GABBR2: variants seen among roughly 807,000 people sequenced by gnomAD.
The protein encoded by GABBR2 is G-protein coupled receptor 51.
A neutral mutation model predicts 105.6 loss-of-function variants in GABBR2; 23 were observed. The observed-to-expected ratio is 0.22, with a 90% confidence interval of 0.16 to 0.31. GABBR2 has a LOEUF of 0.31. Among genes scored for constraint, GABBR2 ranks in the 10% least tolerant of loss-of-function variants. The pLI, the probability that GABBR2 is intolerant of heterozygous loss-of-function variation, is 1.00. For missense variants in GABBR2, 734 were observed against 1,245.5 expected (o/e 0.59, Z 6.18); for synonymous variants, 478 against 499.7 (o/e 0.96, Z 0.58).
rs373757998 is a variant in GABBR2 at position 98,485,891 on chromosome 9, C to A, written c.733-4894G>T. Among the ~76,000 whole-genome samples, 184 of 152,272 alleles carry A rather than the reference C, an allele frequency of 1.2e-3. 1 individual carries two copies. The highest frequency in any genetic ancestry group is 1.9e-3 in the Non-Finnish European group (132 of 68,020). ...GGGAGCTTCCTGGCCATGGGAGCCA[C>A]TCCATGCCCCACACCCCACAGAGAG... On this transcript the variant is annotated intron_variant, in intron 4 of 18. Transcript: ENST00000259455.
At position 98,578,903 on chromosome 9, in the gene GABBR2, G is replaced by T. The variant is rs114209709; in HGVS notation, c.322-831C>A. Among the ~76,000 whole-genome samples the T allele has an allele frequency of 3.9e-3, 592 of 152,316 alleles. 3 individuals are homozygous for T. The highest frequency in any genetic ancestry group is 0.013 in the African/African-American group (557 of 41,582). ...TCCCACTCATATGAGGTTATCTACA[G>T]TAGTTAAATTCATAGAGAAAGAAAG... On this transcript the variant is annotated intron_variant, in intron 1 of 18. Transcript: ENST00000259455.
chr9:98,683,907 C>T (rs1830583738), intron 1 of GABBR2, among the ~76,000 whole-genome samples: 1 of 149,846 alleles, frequency 6.7e-6, no homozygotes, highest in African/African-American at 2.5e-5. Flanking sequence ...ACTCGGGAGG[C>T]TGAGGCAGGA....
chr9:98,525,995 G>C (rs1184866934), intron 3 of GABBR2, among the ~76,000 whole-genome samples: 1 of 152,168 alleles, frequency 6.6e-6, no homozygotes, highest in Non-Finnish European at 1.5e-5. Flanking sequence ...AACAGCTGGG[G>C]GCCGGAGAAA....
chr9:98,612,365 C>T (rs986836448), intron 1 of GABBR2, among the ~76,000 whole-genome samples: 2 of 152,110 alleles, frequency 1.3e-5, no homozygotes, highest in Non-Finnish European at 2.9e-5. Flanking sequence ...GAAACGTGGC[C>T]GGTCAGCCAG....
At chr9:98,658,654 C>T (rs1453440867) in intron 1 of GABBR2, among the ~76,000 whole-genome samples, 1 of 152,188 alleles carries the variant, frequency 6.6e-6, no homozygotes, top group Non-Finnish European at 1.5e-5. Context: ...TGCCAGTATC[C>T]TTCAGGAGTA....
At chr9:98,375,029 G>T (rs951831264) in intron 11 of GABBR2, 2 of 152,146 alleles carry the variant, frequency 1.3e-5, no homozygotes, top group Non-Finnish European at 2.9e-5. Context: ...TCCACAGTGA[G>T]TCCCCATATT....
chr9:98,454,823 C>T lies in GABBR2; in HGVS notation c.1000-606G>A, dbSNP rs950366428. On this transcript the variant is annotated intron_variant, in intron 6 of 18. Transcript: ENST00000259455. This position sits in a 1 kb window ranked among gnomAD's most constrained non-coding sequence, Gnocchi z 4.6. The stretch of plus-strand genomic sequence containing the variant: ...CCCAGCCAGGCTCAGTCCATACCTC[C>T]TTCCCCTTCTAGCATCAGTAGCTCC... Among the ~76,000 whole-genome samples the T allele has an allele frequency of 9.2e-5, 14 of 152,094 alleles. No homozygotes were observed. The highest frequency in any genetic ancestry group is 7.9e-4 in the Admixed American group (12 of 15,282).
intron 1 of GABBR2, among the ~76,000 whole-genome samples, chr9:98,639,523 A>G (rs1230175809): frequency 6.6e-6 from 1 of 152,004 alleles, no homozygotes; most frequent in Non-Finnish European, 1.5e-5. Flanking sequence ...TTTTCTTACA[A>G]ATACAACTTA....
At chr9:98,418,840 C>T (rs1337791197) in intron 7 of GABBR2, among the ~76,000 whole-genome samples, 1 of 152,224 alleles carries the variant, frequency 6.6e-6, no homozygotes, top group African/African-American at 2.4e-5. Flanking sequence ...GCTACAGCGC[C>T]ATGCATCACC....
chr9:98,385,614 C>T (rs1410521372), intron 11 of GABBR2, 26 bp downstream of exon 11: 8 of 1,606,196 alleles, frequency 5.0e-6, no homozygotes, highest in Non-Finnish European at 6.0e-6. Flanking sequence ...CTATCATATA[C>T]CACTGGCTTA....
chr9:98,580,640 T>C (rs1367238763), intron 1 of GABBR2, among the ~76,000 whole-genome samples: 1 of 151,976 alleles, frequency 6.6e-6, no homozygotes, highest in African/African-American at 2.4e-5. Context: ...ATACAAAAAT[T>C]AGCCAGGCAT....
chr9:98,367,039 A>C (rs1831689559), intron 12 of GABBR2, among the ~76,000 whole-genome samples: 1 of 152,248 alleles, frequency 6.6e-6, no homozygotes, highest in Admixed American at 6.5e-5. Context: ...AACATGCTGT[A>C]AAAATATGAA....
chr9:98,391,329 A>G (rs1832176445), intron 9 of GABBR2, among the ~76,000 whole-genome samples: 2 of 152,350 alleles, frequency 1.3e-5, no homozygotes, highest in South Asian at 4.1e-4. Flanking sequence ...TAAGATTATT[A>G]TCATTTGACA....
rs574020363 is a variant in GABBR2, at chr9:98,552,607, C to T, written c.460-10564G>A. 6.2e-4 allele frequency among the ~76,000 whole-genome samples: 94 copies of T among 152,254 alleles called. 2 individuals carry two copies. The South Asian group carries it at 0.014, about 23-fold the overall frequency. ...AGATGCCGGTGAGATTAATGTGATG[C>T]GGGGTGGCTGCAAAGCATTTCCCAA... On this transcript the variant is annotated intron_variant, in intron 2 of 18. Transcript: ENST00000259455.
intron 1 of GABBR2, among the ~76,000 whole-genome samples, chr9:98,670,388 G>C (rs1013848185): frequency 6.6e-6 from 1 of 152,128 alleles, no homozygotes; most frequent in Admixed American, 6.5e-5. Flanking sequence ...GGGCACTGTT[G>C]GTGGGAATGT....
intron 17 of GABBR2, among the ~76,000 whole-genome samples, chr9:98,296,778 C>T (rs1361241895): frequency 6.6e-6 from 1 of 152,112 alleles, no homozygotes; most frequent in Non-Finnish European, 1.5e-5. Flanking sequence ...TGTTACACAT[C>T]ATTTCTCCTT....
intron 7 of GABBR2, among the ~76,000 whole-genome samples, chr9:98,418,559 AAC>A: frequency 6.6e-6 from 1 of 151,772 alleles, no homozygotes; most frequent in East Asian, 1.9e-4. Context: ...ACAACAAAAA[AAC>A]CCAAAAATCC....
chr9:98,332,240 T>C (rs987157042), intron 13 of GABBR2, among the ~76,000 whole-genome samples: 1 of 152,150 alleles, frequency 6.6e-6, no homozygotes, highest in Non-Finnish European at 1.5e-5. Flanking sequence ...GGAAGTGCAC[T>C]GGAAGGTGTA....
chr9:98,602,053 T>G (rs992576708), intron 1 of GABBR2, among the ~76,000 whole-genome samples: 2 of 151,972 alleles, frequency 1.3e-5, no homozygotes, highest in African/African-American at 2.4e-5. Flanking sequence ...CAGGCCGGAG[T>G]GCAGTGGTGT....
Sources: gnomAD v4.1 joint callset for allele counts (sites outside exome capture counted in the v4.1 genomes callset) on GRCh38, gnomAD v4.1.1 for gene constraint, Gnocchi (gnomAD v3.1) non-coding constraint, MANE v1.5 for transcripts, NCBI Gene and HGNC (gene_info 2026-07-23, HGNC 2026-07-21) for gene names.